LAMA3: variants seen among roughly 807,000 people sequenced by gnomAD.
LAMA3 encodes laminin subunit alpha 3, also known as laminin subunit alpha-3.
Under a neutral mutation model 402.0 loss-of-function variants are expected in LAMA3, and 281 were observed. The ratio of observed to expected loss-of-function variants is 0.70; its 90% CI spans 0.63 to 0.77. The LOEUF (loss-of-function observed/expected upper bound fraction) is 0.77, where lower values mean the gene tolerates loss of function less well. LAMA3 is among the 30% of genes least tolerant of loss of function. The pLI, the probability that LAMA3 is intolerant of heterozygous loss-of-function variation, is 0.00. For missense variants in LAMA3, 3,840 were observed against 4,215.5 expected, an observed-to-expected ratio of 0.91 and a Z score of 2.47; for synonymous variants, 1,431 against 1,558.4, an observed-to-expected ratio of 0.92 and a Z score of 1.93.
intron 6 of LAMA3, among the ~76,000 whole-genome samples, chr18:23,757,186 CAGCTCCA>C (rs1475933240): frequency 6.6e-6 from 1 of 152,098 alleles, no homozygotes; most frequent in Non-Finnish European, 1.5e-5. Flanking sequence ...AACCACTACC[CAGCTCCA>C]AGCAACCCGA....
chr18:23,770,457 A>G (rs1568166219), intron 8 of LAMA3, among the ~76,000 whole-genome samples: 1 of 152,088 alleles, frequency 6.6e-6, no homozygotes, highest in Admixed American at 6.5e-5. Flanking sequence ...TGGCCAATAA[A>G]TGTACATCAA....
intron 66 of LAMA3, among the ~76,000 whole-genome samples, chr18:23,933,557 C>T (rs1189752298): frequency 6.6e-6 from 1 of 152,216 alleles, no homozygotes; most frequent in Non-Finnish European, 1.5e-5. Flanking sequence ...ATCTTCTCCT[C>T]TAGCTATTTT....
chr18:23,771,710 G>C (rs755042346), intron 8 of LAMA3, among the ~76,000 whole-genome samples: 1 of 152,208 alleles, frequency 6.6e-6, no homozygotes, highest in Non-Finnish European at 1.5e-5. Context: ...TGGATGGATA[G>C]AGGAATGGAT....
chr18:23,886,153 ATAT>A (rs2065066444), intron 41 of LAMA3, among the ~76,000 whole-genome samples: 1 of 152,202 alleles, frequency 6.6e-6, no homozygotes, highest in South Asian at 2.1e-4. Context: ...TTGCAGCTTA[ATAT>A]TTGTGTATGC....
intron 32 of LAMA3, among the ~76,000 whole-genome samples, chr18:23,854,085 G>T (rs1450872732): frequency 6.6e-6 from 1 of 152,230 alleles, no homozygotes; most frequent in Non-Finnish European, 1.5e-5. Flanking sequence ...TCCTCCCTCT[G>T]CTCTGTTGGC....
chr18:23,951,594 G>T (rs569786383), intron 72 of LAMA3, 90 bp from the exon 73 acceptor site: 6 of 967,044 alleles, frequency 6.2e-6, no homozygotes, highest in Admixed American at 5.8e-5. Flanking sequence ...TAAGCTGTCA[G>T]TTGGCCCGGT....
At chr18:23,892,820 T>C (rs2080725546) in intron 42 of LAMA3, among the ~76,000 whole-genome samples, 1 of 151,012 alleles carries the variant, frequency 6.6e-6, no homozygotes, top group African/African-American at 2.4e-5. Flanking sequence ...GGAGAATCGC[T>C]TGAACCCAGG....
intron 21 of LAMA3, among the ~76,000 whole-genome samples, chr18:23,825,555 A>C (rs2063365492): frequency 1.3e-5 from 2 of 152,176 alleles, no homozygotes; most frequent in Non-Finnish European, 2.9e-5. Context: ...TCTTACAAGG[A>C]TAACATGAGG....
intron 62 of LAMA3, among the ~76,000 whole-genome samples, chr18:23,927,869 C>T (rs1343060490): frequency 2.0e-5 from 3 of 151,856 alleles, no homozygotes; most frequent in Non-Finnish European, 4.4e-5. Context: ...TTACCTTTTG[C>T]GGCCACTGGC....
chr18:23,720,614 A>G (rs1477472329), intron 2 of LAMA3, among the ~76,000 whole-genome samples: 2 of 152,188 alleles, frequency 1.3e-5, no homozygotes, highest in Admixed American at 6.5e-5. Context: ...TCAGCCTCCC[A>G]AAGTGCTGGG....
chr18:23,722,350 G>C (rs2061229937), intron 2 of LAMA3, among the ~76,000 whole-genome samples: 1 of 152,168 alleles, frequency 6.6e-6, no homozygotes, highest in Non-Finnish European at 1.5e-5. Flanking sequence ...TGCCGTAAAG[G>C]CTGATCCACC....
chr18:23,744,025 CAGA>C (rs750052295), intron 2 of LAMA3, among the ~76,000 whole-genome samples: 4 of 152,194 alleles, frequency 2.6e-5, no homozygotes, highest in Non-Finnish European at 5.9e-5. Flanking sequence ...AGGAATGTAG[CAGA>C]AGGAGTGATT....
rs544207138 is a variant in LAMA3 at position 23,826,126 on chromosome 18, T to C, written c.2572-576T>C. Among the ~76,000 whole-genome samples, 4 of 152,336 alleles carry C rather than the reference T, an allele frequency of 2.6e-5. No homozygotes were observed. The South Asian group carries it at 8.3e-4, about 32-fold the overall frequency. ...GTCAATCATTCACCTCCCAGAAGCC[T>C]GCAGCTCTGCTCTTTCCTGAAGAGC... On this transcript the variant is annotated intron_variant, in intron 21 of 74. Coordinates refer to ENST00000313654, the MANE Select transcript of LAMA3 (RefSeq NM_198129.4).
chr18:23,735,438 C>CTG (rs2146028884), intron 2 of LAMA3, among the ~76,000 whole-genome samples: 1 of 152,200 alleles, frequency 6.6e-6, no homozygotes. Flanking sequence ...GCTGCTCATA[C>CTG]GTCTTCGTTC....
chr18:23,814,261 C>G (rs1236090059), intron 14 of LAMA3, 142 bp from the exon 15 acceptor site: 3 of 687,314 alleles, frequency 4.4e-6, no homozygotes, highest in African/African-American at 3.6e-5. Flanking sequence ...TTGAAATCAA[C>G]CCAGTATTTT....
intron 8 of LAMA3, among the ~76,000 whole-genome samples, chr18:23,772,319 C>T: frequency 6.6e-6 from 1 of 152,308 alleles, no homozygotes; most frequent in East Asian, 1.9e-4. Flanking sequence ...GGATTACAGG[C>T]GTGAGCCACT....
chr18:23,743,165 G>A (rs1455831381), intron 2 of LAMA3, among the ~76,000 whole-genome samples: 3 of 152,164 alleles, frequency 2.0e-5, no homozygotes, highest in Non-Finnish European at 2.9e-5. Context: ...AAATTTGTAT[G>A]AAGTAGATAT....
chr18:23,913,959 C>T (rs904401226), intron 56 of LAMA3, among the ~76,000 whole-genome samples: 15 of 152,230 alleles, frequency 9.9e-5, no homozygotes, highest in African/African-American at 1.4e-4. Flanking sequence ...TACCTTAAGG[C>T]GCTCACATTC....
intron 32 of LAMA3, 76 bp from the exon 33 acceptor site, chr18:23,857,768 C>T: frequency 6.3e-7 from 1 of 1,580,242 alleles, no homozygotes; most frequent in Non-Finnish European, 8.7e-7. Context: ...CCAATTAGTC[C>T]ACTATAGTGT....
Sources: gnomAD v4.1 joint callset for allele counts (sites outside exome capture counted in the v4.1 genomes callset) on GRCh38, gnomAD v4.1.1 for gene constraint, MANE v1.5 for transcripts, NCBI Gene and HGNC (gene_info 2026-07-23, HGNC 2026-07-21) for gene names.